USH2A: variants seen among roughly 807,000 people sequenced by gnomAD.
USH2A encodes the protein Usher syndrome 2A (autosomal recessive, mild).
Under a neutral mutation model 538.9 loss-of-function variants are expected in USH2A, and 443 were observed. The ratio of observed to expected loss-of-function variants is 0.82; its 90% CI spans 0.76 to 0.89. USH2A has a LOEUF of 0.89. USH2A is among the 40% of genes least tolerant of loss of function. USH2A has a pLI of 0.00. For synonymous variants in USH2A, 2,413 were observed against 2,273.5 expected (o/e 1.06, Z -1.75); for missense variants, 6,633 against 6,324.8 (o/e 1.05, Z -1.65).
chr1:215,857,584 C>T (rs964821207), intron 44 of USH2A, among the ~76,000 whole-genome samples: 8 of 152,214 alleles, frequency 5.3e-5, no homozygotes, highest in East Asian at 3.9e-4. Context: ...AGGAGAAACA[C>T]GCACATGTGC....
In USH2A at chr1:216,412,080, T is replaced by C. The variant is rs79198906; in HGVS notation, c.651+6434A>G. 8.8e-4 allele frequency among the ~76,000 whole-genome samples: 134 copies of C among 152,278 alleles called. 1 individual carries two copies. In the East Asian group the frequency reaches 0.018, roughly 21 times the overall value. On this transcript the variant is annotated intron_variant, in intron 3 of 71. Coordinates refer to ENST00000307340, the MANE Select transcript of USH2A (RefSeq NM_206933.4). Reference sequence around the variant, plus strand: ...CTTCATAGCAGGAAGTTATAGGCTATAAAGTGTTTTAGTAGACAATATTTT... The same window carrying C: ...CTTCATAGCAGGAAGTTATAGGCTACAAAGTGTTTTAGTAGACAATATTTT...
At chr1:216,035,028 T>C (rs1379575194) in intron 32 of USH2A, among the ~76,000 whole-genome samples, 1 of 152,212 alleles carries the variant, frequency 6.6e-6, no homozygotes, top group Non-Finnish European at 1.5e-5. Flanking sequence ...TCACCTTTTC[T>C]AAATATTTTC....
At chr1:216,236,476 G>A (rs1009083301) in intron 13 of USH2A, among the ~76,000 whole-genome samples, 1 of 152,042 alleles carries the variant, frequency 6.6e-6, no homozygotes, top group Non-Finnish European at 1.5e-5. Flanking sequence ...CACCAACATA[G>A]TCTCTGGTAA....
At chr1:216,418,811 C>A in intron 2 of USH2A, 132 bp from the exon 3 acceptor site, 1 of 832,632 alleles carries the variant, frequency 1.2e-6, no homozygotes, top group East Asian at 2.6e-5. Context: ...GAATAAGTGC[C>A]TGAATGTCAT....
At position 216,078,239 on chromosome 1, in the gene USH2A, C is replaced by G. The variant is rs2031820982; in HGVS notation, c.5422G>C (p.Glu1808Gln). ...ACACTTGCTGATATGAAAGAGCCTT[C>G]CTTTTTAATAATGACTTTATTCCAC... ...GKWNKVIIKK[E>Q]GSFISASVNG... Residue 1808 changes from glutamate (E) to glutamine (Q), a missense_variant, in exon 27 of 72, where the codon GAA (glutamate) becomes CAA (glutamine). Coordinates refer to ENST00000307340, the MANE Select transcript of USH2A (RefSeq NM_206933.4). The G allele has an allele frequency of 1.2e-6, 2 of 1,613,768 alleles. No individual in the cohort carries two copies. The highest frequency in any genetic ancestry group is 2.7e-5 in the African/African-American group (2 of 74,910).
At chr1:215,709,958 A>T (rs777955331) in intron 61 of USH2A, among the ~76,000 whole-genome samples, 1 of 152,250 alleles carries the variant, frequency 6.6e-6, no homozygotes, top group Non-Finnish European at 1.5e-5. Context: ...AGACCGATGC[A>T]CATACAAGTG....
chr1:215,772,905 T>C (rs1278964074), intron 55 of USH2A, among the ~76,000 whole-genome samples: 1 of 152,188 alleles, frequency 6.6e-6, no homozygotes, highest in Non-Finnish European at 1.5e-5. Flanking sequence ...AAGTTTTTGT[T>C]TGGTGCTTAT....
chr1:216,250,918 T>C lies in USH2A; in HGVS notation c.2152A>G (p.Lys718Glu). The C allele has an allele frequency of 1.2e-6, 2 of 1,614,040 alleles. No individual in the cohort carries two copies. Among genetic ancestry groups the C allele is most frequent in the Non-Finnish European group, 1.7e-6 (2 of 1,179,970 alleles). Reference sequence around the variant, plus strand: ...TTACACGTACCAATAACGTTTGCTTTGCACTTGCACTGGCCTGAATTTTGG... The same window carrying C: ...TTACACGTACCAATAACGTTTGCTTCGCACTTGCACTGGCCTGAATTTTGG... ...CHQNSGQCKC[K>E]ANVIGLRCDH... Residue 718 changes from lysine (K) to glutamate (E), a missense_variant, in exon 12 of 72, where the codon AAA becomes GAA. Coordinates refer to ENST00000307340, the MANE Select transcript of USH2A (RefSeq NM_206933.4).
At chr1:215,835,518 G>C (rs140921544) in intron 47 of USH2A, among the ~76,000 whole-genome samples, 1 of 152,082 alleles carries the variant, frequency 6.6e-6, no homozygotes, top group Non-Finnish European at 1.5e-5. Context: ...AGTTTCTCCA[G>C]AGAATAAATG....
At chr1:216,353,380 T>C (rs1185107990) in intron 4 of USH2A, among the ~76,000 whole-genome samples, 2 of 151,590 alleles carry the variant, frequency 1.3e-5, no homozygotes, top group Non-Finnish European at 2.9e-5. Context: ...ACATGATCAT[T>C]AGTGAAACAA....
chr1:215,846,075 C>T (rs1663838503), intron 44 of USH2A, 42 bp from the exon 45 acceptor site: 6 of 1,587,482 alleles, frequency 3.8e-6, no homozygotes, highest in Non-Finnish European at 5.2e-6. Flanking sequence ...GTAGCTGAGG[C>T]TTTCAGGGGA....
intron 20 of USH2A, among the ~76,000 whole-genome samples, chr1:216,187,265 C>T (rs147467731): frequency 5.9e-5 from 9 of 151,970 alleles, no homozygotes; most frequent in African/African-American, 2.2e-4. Flanking sequence ...GTTAATCCTA[C>T]CTGTTGGATC....
In USH2A at chr1:215,813,718, C is replaced by G. The variant is rs778771491; in HGVS notation, c.9739+18G>C. 6.2e-7 allele frequency: 1 copy of G among 1,613,646 alleles called. No individual in the cohort carries two copies. Among genetic ancestry groups the G allele is most frequent in the Non-Finnish European group, 8.5e-7 (1 of 1,179,704 alleles). On this transcript the variant is annotated intron_variant, in intron 49 of 71. Transcript: ENST00000307340. ...CAGGTTCCCATAGTTTTTGAGTACA[C>G]CTGGAAATAACCCTCACCTGGTAGA...
chr1:216,190,492 A>T, intron 19 of USH2A, 125 bp from the exon 20 acceptor site: 1 of 1,325,110 alleles, frequency 7.5e-7, no homozygotes, highest in Admixed American at 2.4e-5. Flanking sequence ...CACCATTAGG[A>T]AAAGGGTTTT....
chr1:216,245,470 T>TGAGAGAGAGAGAGAGA (rs10535828), intron 13 of USH2A, among the ~76,000 whole-genome samples: 35 of 114,236 alleles, frequency 3.1e-4, no homozygotes, highest in South Asian at 6.6e-4. Context: ...AGTCCCCTTC[T>TGAGAGAGAGAGAGAGA]GAGAGAGAGA....
At chr1:215,695,368 A>G (rs914828593) in intron 61 of USH2A, among the ~76,000 whole-genome samples, 2 of 152,318 alleles carry the variant, frequency 1.3e-5, no homozygotes, top group East Asian at 1.9e-4. Context: ...CACAAGGTAC[A>G]TGGGTTTTGA....
intron 9 of USH2A, among the ~76,000 whole-genome samples, chr1:216,304,856 T>G (rs2037283872): frequency 1.3e-5 from 2 of 150,920 alleles, no homozygotes; most frequent in South Asian, 4.2e-4. Context: ...GATTTCCAAT[T>G]TTATTTCACG....
chr1:215,983,140 G>T lies in USH2A; in HGVS notation c.6805+9880C>A, dbSNP rs1055842065. 2.6e-5 allele frequency among the ~76,000 whole-genome samples: 4 copies of T among 152,036 alleles called. No individual in the cohort carries two copies. In the East Asian group the frequency reaches 7.8e-4, roughly 30 times the overall value. On this transcript the variant is annotated intron_variant, in intron 35 of 71. Coordinates refer to ENST00000307340, the MANE Select transcript of USH2A (RefSeq NM_206933.4). ...TAATTTTTGTATTTTTAGTAGAGAC[G>T]GGGTTTCGCCATGTTGGCCAGGCTG...
chr1:215,658,588 A>G (rs560508624), intron 64 of USH2A, among the ~76,000 whole-genome samples: 2 of 152,242 alleles, frequency 1.3e-5, no homozygotes, highest in East Asian at 3.9e-4. Flanking sequence ...GCCTGTACAC[A>G]CCTTCCACAT....
Sources: gnomAD v4.1 joint callset for allele counts (sites outside exome capture counted in the v4.1 genomes callset) on GRCh38, gnomAD v4.1.1 for gene constraint, MANE v1.5 for transcripts, NCBI Gene and HGNC (gene_info 2026-07-23, HGNC 2026-07-21) for gene names.